MTMR1: variants seen among roughly 807,000 people sequenced by gnomAD.
MTMR1 encodes the protein phosphatidylinositol-3-phosphate phosphatase MTMR1.
MTMR1 carries 17 observed loss-of-function variants against 51.6 expected under a neutral mutation model. That is an observed-to-expected ratio of 0.33 (90% CI 0.23 to 0.49). The LOEUF (loss-of-function observed/expected upper bound fraction) is 0.49, where lower values mean the gene tolerates loss of function less well. Among genes scored for constraint, MTMR1 ranks in the 20% least tolerant of loss-of-function variants. MTMR1 has a pLI of 0.99. For synonymous variants in MTMR1, 201 were observed against 205.6 expected (o/e 0.98, Z 0.19); for missense variants, 386 against 526.9 (o/e 0.73, Z 2.62).
intron 13 of MTMR1, among the ~76,000 whole-genome samples, chrX:150,750,064 C>T (rs1240215786): frequency 9.0e-6 from 1 of 110,609 alleles, no homozygotes; most frequent in East Asian, 2.8e-4. Context: ...TTGCAGTGAG[C>T]CGAGATGGCG....
Position 150,762,559 on chromosome X carries a change from C to G in MTMR1, c.1858-6C>G. On this transcript the variant is annotated splice_polypyrimidine_tract_variant and splice_region_variant and intron_variant, in intron 15 of 15. Transcript: ENST00000445323. ...GATAATGCAGCTTTGTCTCTGCTCC[C>G]TCCAGATGCCCATTCACCAGAATCT... 2 of 1,212,149 alleles carry G rather than the reference C, an allele frequency of 1.6e-6. No individual in the cohort carries two copies. Among genetic ancestry groups the G allele is most frequent in the Non-Finnish European group, 2.2e-6 (2 of 895,509 alleles).
intron 1 of MTMR1, among the ~76,000 whole-genome samples, chrX:150,698,859 G>A (rs2040801394): frequency 9.2e-6 from 1 of 108,980 alleles, no homozygotes; most frequent in Admixed American, 9.8e-5. Context: ...GACAGAGTGA[G>A]ACCCCATCTC....
At chrX:150,712,724 C>T (rs1349040296) in intron 3 of MTMR1, 1 of 206,444 alleles carries the variant, frequency 4.8e-6, no homozygotes, top group Non-Finnish European at 9.1e-6. Flanking sequence ...GTAATTCATG[C>T]TACAGAATTT....
At chrX:150,726,014 A>C (rs2041909525) in intron 4 of MTMR1, among the ~76,000 whole-genome samples, 1 of 111,667 alleles carries the variant, frequency 9.0e-6, no homozygotes, top group African/African-American at 3.3e-5. Flanking sequence ...AGCTTTTGTC[A>C]ACCTCTAGTG....
intron 4 of MTMR1, among the ~76,000 whole-genome samples, chrX:150,719,258 C>T (rs1296645309): frequency 9.0e-6 from 1 of 111,124 alleles, no homozygotes. Flanking sequence ...CAGCTGGATG[C>T]GATCCGTTCA....
chrX:150,696,346 T>G (rs2040676214), intron 1 of MTMR1, among the ~76,000 whole-genome samples: 1 of 111,568 alleles, frequency 9.0e-6, no homozygotes, highest in Non-Finnish European at 1.9e-5. Flanking sequence ...CCTGGCTCTA[T>G]GGGTGGGACT....
chrX:150,698,108 T>A (rs1401369502), intron 1 of MTMR1, among the ~76,000 whole-genome samples: 2 of 111,121 alleles, frequency 1.8e-5, no homozygotes, highest in African/African-American at 3.3e-5. Context: ...CTGGCCAACA[T>A]GGTGAAAACC....
At chrX:150,753,588 G>A (rs1268133034) in intron 14 of MTMR1, among the ~76,000 whole-genome samples, 2 of 112,621 alleles carry the variant, frequency 1.8e-5, no homozygotes, top group African/African-American at 6.5e-5. Flanking sequence ...ATATTTCCAT[G>A]TGCTTATTGG....
At position 150,750,844 on chromosome X, in the gene MTMR1, G is replaced by A; in HGVS notation, c.1680+1G>A. On this transcript the variant is annotated splice_donor_variant, in intron 14 of 15. Coordinates refer to ENST00000445323, the MANE Select transcript of MTMR1 (RefSeq NM_001306144.3). LOFTEE classifies it high-confidence loss of function. ...CTGTGAACAGCAGCGATTCAAAGAG[G>A]TGAGTATGCTGCATCCTTGTCTGTT... 2 of 1,175,786 alleles carry A rather than the reference G, an allele frequency of 1.7e-6. No individual in the cohort carries two copies. The highest frequency in any genetic ancestry group is 2.3e-6 in the Non-Finnish European group (2 of 864,269).
intron 12 of MTMR1, among the ~76,000 whole-genome samples, chrX:150,740,379 G>A (rs1296357445): frequency 2.7e-5 from 3 of 111,417 alleles, no homozygotes; most frequent in Admixed American, 1.9e-4. Flanking sequence ...TTCTTCATTC[G>A]GCTTCTAGGT....
chrX:150,737,181 T>C, intron 11 of MTMR1, 61 bp from the exon 12 acceptor site: 2 of 1,074,537 alleles, frequency 1.9e-6, no homozygotes, highest in Non-Finnish European at 2.6e-6. Flanking sequence ...TTATTTTACA[T>C]TGTTTTACAT....
chrX:150,718,925 A>G (rs1557416508), intron 4 of MTMR1, among the ~76,000 whole-genome samples: 1 of 111,032 alleles, frequency 9.0e-6, no homozygotes, highest in Non-Finnish European at 1.9e-5. Flanking sequence ...CGTTCCCAAC[A>G]GAAGAGGGGC....
At chrX:150,701,214 T>A (rs1557415919) in intron 2 of MTMR1, among the ~76,000 whole-genome samples, 1 of 111,660 alleles carries the variant, frequency 9.0e-6, no homozygotes, top group Non-Finnish European at 1.9e-5. Flanking sequence ...TTTTTTTTTT[T>A]ACATAATAAA....
intron 4 of MTMR1, among the ~76,000 whole-genome samples, chrX:150,720,094 C>G (rs1377841775): frequency 9.0e-6 from 1 of 111,388 alleles, no homozygotes; most frequent in Non-Finnish European, 1.9e-5. Context: ...GTAAATTGAC[C>G]CTCTACTTTT....
intron 3 of MTMR1, 23 bp downstream of exon 3, chrX:150,712,388 G>C: frequency 8.6e-7 from 1 of 1,157,140 alleles, no homozygotes; most frequent in Non-Finnish European, 1.2e-6. Context: ...GGCTTTCAGC[G>C]GATGGGCCTC....
At chrX:150,712,618 CTT>C in intron 3 of MTMR1, 1 of 347,943 alleles carries the variant, frequency 2.9e-6, no homozygotes, top group Non-Finnish European at 5.0e-6. Context: ...GCAATACTGA[CTT>C]TTGTTGTACT....
intron 13 of MTMR1, 130 bp from the exon 14 acceptor site, chrX:150,750,600 C>T: frequency 2.3e-6 from 1 of 434,332 alleles, no homozygotes; most frequent in Admixed American, 4.4e-5. Context: ...TTGAACTTTA[C>T]ATGGGCTCAG....
intron 9 of MTMR1, 124 bp downstream of exon 9, chrX:150,731,743 C>A: frequency 1.9e-6 from 1 of 538,339 alleles, no homozygotes; most frequent in Non-Finnish European, 2.7e-6. Context: ...GCTTATAAAC[C>A]TGAACATACC....
chrX:150,720,313 A>T (rs1331315682), intron 4 of MTMR1, among the ~76,000 whole-genome samples: 1 of 111,532 alleles, frequency 9.0e-6, no homozygotes, highest in African/African-American at 3.3e-5. Context: ...TATAATCCCT[A>T]CTTCCTCTGC....
Sources: allele counts gnomAD v4.1 joint callset (sites outside exome capture counted in the v4.1 genomes callset), GRCh38; gene constraint gnomAD v4.1.1; transcripts MANE v1.5; gene names NCBI Gene and HGNC (gene_info 2026-07-23, HGNC 2026-07-21).